GALR1: variants seen among roughly 807,000 people sequenced by gnomAD.
GALR1 encodes the protein galanin receptor 1.
Under a neutral mutation model 17.9 loss-of-function variants are expected in GALR1, and 11 were observed. The ratio of observed to expected loss-of-function variants is 0.62; its 90% CI spans 0.39 to 1.02. GALR1 has a LOEUF of 1.02. Among genes scored for constraint, GALR1 ranks in the 50% least tolerant of loss-of-function variants. The probability of loss-of-function intolerance (pLI) is 0.01; values close to 1 mark genes in which losing one functional copy is unlikely to be tolerated. For missense variants in GALR1, 441 were observed against 456.9 expected (o/e 0.97, Z 0.32); for synonymous variants, 206 against 205.7 (o/e 1.00, Z -0.01).
intron 2 of GALR1, among the ~76,000 whole-genome samples, chr18:77,267,910 T>C (rs1912977898): frequency 1.3e-5 from 2 of 152,182 alleles, no homozygotes; most frequent in Non-Finnish European, 2.9e-5. Context: ...TAACCAGCGA[T>C]GACTTCCTCC....
intron 1 of GALR1, among the ~76,000 whole-genome samples, chr18:77,251,479 A>G (rs974827160): frequency 6.6e-6 from 1 of 152,144 alleles, no homozygotes; most frequent in Non-Finnish European, 1.5e-5. Flanking sequence ...GTCCAGTAGA[A>G]CCAGTTTCTC....
At chr18:77,264,908 G>A (rs561324997) in intron 2 of GALR1, among the ~76,000 whole-genome samples, 1 of 152,112 alleles carries the variant, frequency 6.6e-6, no homozygotes, top group Non-Finnish European at 1.5e-5. Flanking sequence ...ACCACACATG[G>A]GGATTATAGG....
Position 77,256,195 on chromosome 18 carries a change from C to A in GALR1, c.704C>A (p.Ser235Ter). The A allele has an allele frequency of 2.5e-6, 4 of 1,599,522 alleles. No homozygotes were observed. Among genetic ancestry groups the A allele is most frequent in the Non-Finnish European group, 3.4e-6 (4 of 1,167,018 alleles). The change falls in exon 2 of 3, where the codon TCA becomes TAA. Residue 235 changes from serine to a stop codon, truncating the protein, a stop_gained. Transcript: ENST00000299727. LOFTEE classifies it high-confidence loss of function. The part of the protein sequence containing the change: ...NHLHKKLKNM[S>*]KKSEASKKKT... The stretch of plus-strand genomic sequence containing the variant: ...TTGCATAAAAAGTTGAAGAACATGT[C>A]AAAGAAGTCTGAAGCATCCAAGAAA...
In GALR1 at chr18:77,251,128, C is replaced by T. The variant is rs1912400261; in HGVS notation, c.580C>T (p.Pro194Ser). Reference sequence around the variant, plus strand: ...CTTCTGCTGGGAGCAGTGGCCCGACCCTCGCCACAAGAAGGCCTACGTGGT... The same window carrying T: ...CTTCTGCTGGGAGCAGTGGCCCGACTCTCGCCACAAGAAGGCCTACGTGGT... ...QTFCWEQWPD[P>S]RHKKAYVVCT... Residue 194 changes from proline (P) to serine (S), a missense_variant, in exon 1 of 3, where the codon CCT becomes TCT. By Grantham distance (74) the Pro-to-Ser change is moderately conservative. Coordinates refer to ENST00000299727, the MANE Select transcript of GALR1 (RefSeq NM_001480.4). 6.2e-7 allele frequency: 1 copy of T among 1,613,074 alleles called. No individual in the cohort carries two copies. Among genetic ancestry groups the T allele is most frequent in the Non-Finnish European group, 8.5e-7 (1 of 1,179,926 alleles).
chr18:77,262,598 A>G (rs114726662), intron 2 of GALR1, among the ~76,000 whole-genome samples: 1 of 152,306 alleles, frequency 6.6e-6, no homozygotes, highest in African/African-American at 2.4e-5. Context: ...GTTTGCATGG[A>G]GTTGGCTTTT....
chr18:77,251,166 C>T lies in GALR1; in HGVS notation c.618C>T (p.Val206=). 6.2e-7 allele frequency: 1 copy of T among 1,610,854 alleles called. No individual in the cohort carries two copies. Among genetic ancestry groups the T allele is most frequent in the Non-Finnish European group, 8.5e-7 (1 of 1,178,124 alleles). The change falls in exon 1 of 3, where the codon GTC becomes GTT. Residue 206 remains valine (V), a synonymous_variant. Transcript: ENST00000299727. ...HKKAYVVCTF[V]FGYLLPLLLI... ...AGGCCTACGTGGTGTGCACCTTCGTCTTCGGCTACCTGCTGCCGCTCCTGC... is the reference window on the plus strand; with the variant it reads ...AGGCCTACGTGGTGTGCACCTTCGTTTTCGGCTACCTGCTGCCGCTCCTGC...
At chr18:77,260,525 G>A (rs1271923436) in intron 2 of GALR1, among the ~76,000 whole-genome samples, 5 of 152,150 alleles carry the variant, frequency 3.3e-5, no homozygotes, top group Non-Finnish European at 7.3e-5. Flanking sequence ...CATCACCTTG[G>A]TGATTAGGTT....
At chr18:77,266,936 G>T (rs112374541) in intron 2 of GALR1, among the ~76,000 whole-genome samples, 1 of 152,184 alleles carries the variant, frequency 6.6e-6, no homozygotes, top group Non-Finnish European at 1.5e-5. Context: ...GCCAGCTCAC[G>T]CTCTGATGCT....
Position 77,271,250 on chromosome 18 carries a change from C to CCG in GALR1, c.*2349_*2350insGC, listed in dbSNP as rs1555673522. 1 of 104,688 alleles carries CCG rather than the reference C, an allele frequency of 9.6e-6. No individual in the cohort carries two copies. The highest frequency in any genetic ancestry group is 2.0e-5 in the Non-Finnish European group (1 of 50,882). 6.5% of individuals were successfully genotyped at this position (104,688 alleles called of 1,614,324 possible). Reference sequence around the variant, plus strand: ...AAGTAATAGCTTGCGCTTGAAACCCCCCCCCCCCCGCCACTTTGCTAAATG... The same window carrying CCG: ...AAGTAATAGCTTGCGCTTGAAACCCCCGCCCCCCCCCGCCACTTTGCTAAATG... On this transcript the variant is annotated 3_prime_UTR_variant, in exon 3 of 3. Coordinates refer to ENST00000299727, the MANE Select transcript of GALR1 (RefSeq NM_001480.4).
intron 2 of GALR1, among the ~76,000 whole-genome samples, chr18:77,262,814 A>G (rs913777977): frequency 6.6e-6 from 1 of 152,226 alleles, no homozygotes; most frequent in Non-Finnish European, 1.5e-5. Flanking sequence ...GCAAACTGTA[A>G]TTCCATCTCA....
In GALR1 at chr18:77,262,353, C is replaced by T. The variant is rs973669787; in HGVS notation, c.732+6130C>T. 1.1e-4 allele frequency among the ~76,000 whole-genome samples: 17 copies of T among 152,114 alleles called. 1 individual carries two copies. The highest frequency in any genetic ancestry group is 2.4e-4 in the African/African-American group (10 of 41,420). On this transcript the variant is annotated intron_variant, in intron 2 of 2. Transcript: ENST00000299727. Reference sequence around the variant, plus strand: ...GAGCGTGTCTATGCTAGGCATATATCGTTTCCCGAGTTTGACAGTGTGGAG... The same window carrying T: ...GAGCGTGTCTATGCTAGGCATATATTGTTTCCCGAGTTTGACAGTGTGGAG...
Position 77,257,273 on chromosome 18 carries a change from CT to C in GALR1, c.732+1060del, listed in dbSNP as rs375480372. 7.2e-3 allele frequency among the ~76,000 whole-genome samples: 1,081 copies of C among 149,570 alleles called. 6 individuals are homozygous for C. The highest frequency in any genetic ancestry group is 0.024 in the African/African-American group (986 of 40,834). ...TGGTTATAGAGCACAAACATTAAGACTTTTTTTTTTCCCTGGCAGCAAAAAA... is the reference window on the plus strand; with the variant it reads ...TGGTTATAGAGCACAAACATTAAGACTTTTTTTTTCCCTGGCAGCAAAAAA... On this transcript the variant is annotated intron_variant, in intron 2 of 2. Coordinates refer to ENST00000299727, the MANE Select transcript of GALR1 (RefSeq NM_001480.4).
chr18:77,258,981 GTGGTGGA>G (rs1912717848), intron 2 of GALR1, among the ~76,000 whole-genome samples: 1 of 115,062 alleles, frequency 8.7e-6, no homozygotes, highest in Admixed American at 9.1e-5. Context: ...TGTGGTGATG[GTGGTGGA>G]TGGTGGTGGT....
At position 77,250,922 on chromosome 18, in the gene GALR1, C is replaced by A. The variant is rs778211157; in HGVS notation, c.374C>A (p.Thr125Asn). 5 of 1,605,192 alleles carry A rather than the reference C, an allele frequency of 3.1e-6. No homozygotes were observed. The highest frequency in any genetic ancestry group is 2.7e-5 in the African/African-American group (2 of 74,932). Residue 125 changes from threonine to asparagine, a missense_variant, in exon 1 of 3, where the codon ACC becomes AAC. Transcript: ENST00000299727. The stretch of plus-strand genomic sequence containing the variant: ...GTGTCCATGCTGGTGAGCATCTTCA[C>A]CCTGGCCGCGATGTCCGTGGACCGC... ...FTVSMLVSIF[T>N]LAAMSVDRYV...
chr18:77,252,923 TCACCACCACCACCAC>T (rs1912475884), intron 1 of GALR1, among the ~76,000 whole-genome samples: 48 of 84,676 alleles, frequency 5.7e-4, no homozygotes, highest in Admixed American at 3.5e-3. Flanking sequence ...ACCACCACCA[TCACCACCACCACCAC>T]CACCACCACC....
At chr18:77,258,602 CATGGTGGTG>C (rs1912658772) in intron 2 of GALR1, among the ~76,000 whole-genome samples, 1 of 20,712 alleles carries the variant, frequency 4.8e-5, no homozygotes, top group Non-Finnish European at 1.2e-4. Flanking sequence ...TGGTGGTGGT[CATGGTGGTG>C]ATGGTGGTGG....
chr18:77,257,283 T>C lies in GALR1; in HGVS notation c.732+1060T>C, dbSNP rs180672574. ...GCACAAACATTAAGACTTTTTTTTT[T>C]CCCTGGCAGCAAAAAATTAGCTTAT... On this transcript the variant is annotated intron_variant, in intron 2 of 2. Coordinates refer to ENST00000299727, the MANE Select transcript of GALR1 (RefSeq NM_001480.4). Among the ~76,000 whole-genome samples the C allele has an allele frequency of 7.8e-3, 1,187 of 152,176 alleles. 12 individuals carry two copies. Among genetic ancestry groups the C allele is most frequent in the African/African-American group, 0.024 (989 of 41,480 alleles).
chr18:77,272,146 TACC>T lies in GALR1; in HGVS notation c.*3247_*3249del, dbSNP rs1665312075. On this transcript the variant is annotated 3_prime_UTR_variant, in exon 3 of 3. Transcript: ENST00000299727. Reference sequence around the variant, plus strand: ...ATCCAGATTTCCTCTCGATAATATTTACCACAGATAAATTCATCTTTCAGCGCA... The same window carrying T: ...ATCCAGATTTCCTCTCGATAATATTTACAGATAAATTCATCTTTCAGCGCA... 2 of 152,252 alleles carry T rather than the reference TACC, an allele frequency of 1.3e-5. No homozygotes were observed. Among genetic ancestry groups the T allele is most frequent in the Admixed American group, 1.3e-4 (2 of 15,284 alleles). The allele number at this position is 152,252 out of a possible 1,614,324, so 9.4% of individuals were successfully genotyped here. A position where few individuals can be genotyped will look rare whatever the true frequency, so the allele number is the denominator to read the frequency against.
rs1441647192 is a variant in GALR1, at chr18:77,269,419, A to G, written c.*517A>G. ...ACATAGACATATCTATTAAGTGGAA[A>G]GAAGGCTTTCTGAAGTCTGTTTGCA... On this transcript the variant is annotated 3_prime_UTR_variant, in exon 3 of 3. Coordinates refer to ENST00000299727, the MANE Select transcript of GALR1 (RefSeq NM_001480.4). 6.5e-6 allele frequency: 1 copy of G among 152,930 alleles called. No homozygotes were observed. The highest frequency in any genetic ancestry group is 1.5e-5 in the Non-Finnish European group (1 of 68,610). The allele number at this position is 152,930 out of a possible 1,614,324, so 9.5% of individuals were successfully genotyped here.
Sources: allele counts gnomAD v4.1 joint callset (sites outside exome capture counted in the v4.1 genomes callset), GRCh38; gene constraint gnomAD v4.1.1; transcripts MANE v1.5; gene names NCBI Gene and HGNC (gene_info 2026-07-23, HGNC 2026-07-21).